RIMS1: variants seen among roughly 807,000 people sequenced by gnomAD.
The protein encoded by RIMS1 is regulating synaptic membrane exocytosis protein 1.
A neutral mutation model predicts 214.1 loss-of-function variants in RIMS1; 83 were observed. That is an observed-to-expected ratio of 0.39 (90% CI 0.32 to 0.47). RIMS1 has a LOEUF of 0.47. Ranked by LOEUF, RIMS1 falls within the 20% of genes least tolerant of loss-of-function variation. The probability of loss-of-function intolerance (pLI) is 0.99; values close to 1 mark genes in which losing one functional copy is unlikely to be tolerated. For missense variants in RIMS1, 2,050 were observed against 2,161.8 expected (o/e 0.95, Z 1.03); for synonymous variants, 793 against 786.8 (o/e 1.01, Z -0.13).
chr6:72,154,128 A>G (rs896066415), intron 4 of RIMS1, among the ~76,000 whole-genome samples: 2 of 152,118 alleles, frequency 1.3e-5, no homozygotes, highest in Admixed American at 1.3e-4. Context: ...CAGACAAGAT[A>G]TAAGGAATAG....
rs550881901 is a variant in RIMS1 at position 72,238,134 on chromosome 6, A to G, written c.1957+212A>G. ...TTGCAATAATAAGTAACTCTACATC[A>G]GCAGCAATCTGGAGAGTAAGGGTAG... On this transcript the variant is annotated intron_variant, in intron 9 of 33. Coordinates refer to ENST00000521978, the MANE Select transcript of RIMS1 (RefSeq NM_014989.7). Among the ~76,000 whole-genome samples the G allele has an allele frequency of 1.6e-4, 24 of 152,192 alleles. No individual in the cohort carries two copies. The South Asian group carries it at 2.3e-3, about 14-fold the overall frequency.
At chr6:72,359,203 G>A (rs2097745184) in intron 29 of RIMS1, among the ~76,000 whole-genome samples, 1 of 152,214 alleles carries the variant, frequency 6.6e-6, no homozygotes, top group South Asian at 2.1e-4. Context: ...TCAGGTGGCT[G>A]CAAGATGGTG....
chr6:71,897,932 C>T (rs921906567), intron 1 of RIMS1, among the ~76,000 whole-genome samples: 9 of 152,238 alleles, frequency 5.9e-5, no homozygotes, highest in South Asian at 4.1e-4. Context: ...ATTCTAACCA[C>T]GGGAATTCAG....
chr6:72,260,434 A>G (rs2077467271), intron 18 of RIMS1, among the ~76,000 whole-genome samples: 1 of 152,162 alleles, frequency 6.6e-6, no homozygotes, highest in African/African-American at 2.4e-5. Context: ...TTTGAGGAAT[A>G]TTTAATTTTG....
At chr6:71,909,146 T>C (rs1776166327) in intron 1 of RIMS1, among the ~76,000 whole-genome samples, 2 of 151,986 alleles carry the variant, frequency 1.3e-5, no homozygotes, top group Admixed American at 6.6e-5. Context: ...CCCACCACCA[T>C]GCCCAGTTAA....
chr6:71,982,916 A>G (rs897025221), intron 2 of RIMS1, among the ~76,000 whole-genome samples: 1 of 152,130 alleles, frequency 6.6e-6, no homozygotes, highest in African/African-American at 2.4e-5. Flanking sequence ...CTTCTCTTCA[A>G]CACTAACTTC....
chr6:71,947,820 A>G (rs1284050059), intron 1 of RIMS1, among the ~76,000 whole-genome samples: 2 of 152,034 alleles, frequency 1.3e-5, no homozygotes, highest in Admixed American at 1.3e-4. Context: ...TGTCAATTAA[A>G]AATAAAATTA....
chr6:72,026,052 G>T (rs1395321439), intron 2 of RIMS1, among the ~76,000 whole-genome samples: 1 of 152,156 alleles, frequency 6.6e-6, no homozygotes, highest in South Asian at 2.1e-4. Context: ...CTTAGAAATT[G>T]CATACTGTCA....
At chr6:71,905,228 C>T (rs1774912328) in intron 1 of RIMS1, among the ~76,000 whole-genome samples, 1 of 151,904 alleles carries the variant, frequency 6.6e-6, no homozygotes, top group Admixed American at 6.6e-5. Context: ...AGATCTATTC[C>T]ATAATTTAGT....
intron 22 of RIMS1, among the ~76,000 whole-genome samples, chr6:72,273,688 T>C (rs187869540): frequency 3.3e-5 from 5 of 152,318 alleles, no homozygotes; most frequent in South Asian, 2.1e-4. Flanking sequence ...ATTTCATGTA[T>C]CTATGTTCTT....
chr6:72,104,798 T>A (rs187064851), intron 4 of RIMS1, among the ~76,000 whole-genome samples: 199 of 152,304 alleles, frequency 1.3e-3, no homozygotes, highest in Admixed American at 4.3e-3. Flanking sequence ...CTGTTTTTTT[T>A]TAAAAAATAA....
chr6:72,103,882 T>A (rs1050191067), intron 4 of RIMS1, among the ~76,000 whole-genome samples: 2 of 152,212 alleles, frequency 1.3e-5, no homozygotes, highest in Admixed American at 1.3e-4. Flanking sequence ...TAAAACTTTT[T>A]TTAGCCAAAA....
At chr6:72,245,720 C>A in intron 10 of RIMS1, 95 bp from the exon 11 acceptor site, 3 of 916,276 alleles carry the variant, frequency 3.3e-6, no homozygotes, top group Non-Finnish European at 3.6e-6. Context: ...TGTAAAGACC[C>A]AGCAGGATTT....
At chr6:72,355,266 C>G (rs113432638) in intron 29 of RIMS1, among the ~76,000 whole-genome samples, 2,693 of 152,236 alleles carry the variant, frequency 0.018, 61 homozygotes, top group African/African-American at 0.048. Flanking sequence ...TCATCTTTCA[C>G]TACTTACATA....
chr6:71,952,855 T>C (rs886095247), intron 1 of RIMS1, among the ~76,000 whole-genome samples: 13 of 152,134 alleles, frequency 8.5e-5, no homozygotes, highest in Admixed American at 6.5e-5. Flanking sequence ...AAGTCACCTA[T>C]GCTAGGCTTG....
chr6:71,887,118 A>G lies in RIMS1; in HGVS notation c.95A>G (p.Glu32Gly). 6.2e-7 allele frequency: 1 copy of G among 1,613,502 alleles called. No individual in the cohort carries two copies. Among genetic ancestry groups the G allele is most frequent in the Non-Finnish European group, 8.5e-7 (1 of 1,179,690 alleles). Reference sequence around the variant, plus strand: ...GACCTGAGCCACCTGACCGAAGAGGAGAGGAACATTATCATGGCAGTGATG... The same window carrying G: ...GACCTGAGCCACCTGACCGAAGAGGGGAGGAACATTATCATGGCAGTGATG... ...LPDLSHLTEEERNIIMAVMDR... is the reference protein window; with the variant it reads ...LPDLSHLTEEGRNIIMAVMDR... Residue 32 changes from glutamate to glycine, a missense_variant, in exon 1 of 34, where the codon GAG (glutamate) becomes GGG (glycine). Physicochemically the swap from Glu to Gly is moderately conservative, Grantham distance 98. Around this residue, in one of 6 missense-constraint regions of RIMS1, gnomAD observed 882 missense variants for 828.9 expected, o/e 1.06. Coordinates refer to ENST00000521978, the MANE Select transcript of RIMS1 (RefSeq NM_014989.7).
chr6:72,178,773 T>G (rs1329142030), intron 4 of RIMS1, among the ~76,000 whole-genome samples: 1 of 152,214 alleles, frequency 6.6e-6, no homozygotes, highest in East Asian at 1.9e-4. Flanking sequence ...ATTATTACAT[T>G]CATTTTAAAG....
intron 1 of RIMS1, among the ~76,000 whole-genome samples, chr6:71,895,719 T>C (rs1220052446): frequency 2.2e-5 from 1 of 45,276 alleles, no homozygotes; most frequent in East Asian, 1.7e-3. Flanking sequence ...AGAAACTCTT[T>C]GATAGGATGT....
At chr6:72,235,041 C>A (rs2697441) in intron 7 of RIMS1, among the ~76,000 whole-genome samples, 94,985 of 151,762 alleles carry the variant, frequency 0.63, 30,185 homozygotes, top group East Asian at 0.98. Flanking sequence ...TTCTAAGTTA[C>A]TCTGCCAGTT....
Sources: allele counts gnomAD v4.1 joint callset (sites outside exome capture counted in the v4.1 genomes callset), GRCh38; gene constraint gnomAD v4.1.1; regional missense constraint gnomAD v4.1.1; transcripts MANE v1.5; gene names NCBI Gene and HGNC (gene_info 2026-07-23, HGNC 2026-07-21).